Variants in DOK6 observed in about 807,000 individuals in gnomAD.
DOK6 encodes the protein downstream of tyrosine kinase 6.
A neutral mutation model predicts 44.0 loss-of-function variants in DOK6; 22 were observed. The observed-to-expected ratio is 0.50, with a 90% CI of 0.36 to 0.71. The LOEUF (loss-of-function observed/expected upper bound fraction) is 0.71. Ranked by LOEUF, DOK6 falls within the 30% of genes least tolerant of loss-of-function variation. DOK6 has a pLI of 0.00. For missense variants in DOK6, 340 were observed against 416.4 expected (o/e 0.82, Z 1.60); for synonymous variants, 166 against 145.5 (o/e 1.14, Z -1.01).
At chr18:69,698,626 T>C in intron 5 of DOK6, 33 bp downstream of exon 5, 1 of 1,600,382 alleles carries the variant, frequency 6.2e-7, no homozygotes, top group Non-Finnish European at 8.5e-7. Context: ...AGTGCAGGAG[T>C]TGTCTGTATA....
intron 1 of DOK6, among the ~76,000 whole-genome samples, chr18:69,531,658 G>C (rs1981989678): frequency 6.6e-6 from 1 of 152,040 alleles, no homozygotes; most frequent in South Asian, 2.1e-4. Context: ...TTGTTCTCAT[G>C]AGATCACTCC....
chr18:69,401,177 G>A lies in DOK6; in HGVS notation c.-68G>A, dbSNP rs1259572812. On this transcript the variant is annotated 5_prime_UTR_variant, in exon 1 of 8. Coordinates refer to ENST00000382713, the MANE Select transcript of DOK6 (RefSeq NM_152721.6). ...CTGGATGCGAGACCCGCGCAGACCC[G>A]GCGGCGGACGGCGGCTCTCGACTCC... is the stretch of plus-strand genomic sequence containing the variant. 6 of 1,475,330 alleles carry A rather than the reference G, an allele frequency of 4.1e-6. No individual in the cohort carries two copies. The Admixed American group carries it at 1.2e-4, about 29-fold the overall frequency. The allele number at this position is 1,475,330 out of a possible 1,614,324, so 91.4% of individuals were successfully genotyped here.
At chr18:69,547,993 A>G (rs1337642827) in intron 1 of DOK6, among the ~76,000 whole-genome samples, 5 of 148,928 alleles carry the variant, frequency 3.4e-5, no homozygotes, top group African/African-American at 7.4e-5. Context: ...TCTCGCTGTC[A>G]CCCAGGCTGG....
At chr18:69,523,466 C>T (rs1981743294) in intron 1 of DOK6, among the ~76,000 whole-genome samples, 1 of 151,972 alleles carries the variant, frequency 6.6e-6, no homozygotes, top group Admixed American at 6.6e-5. Context: ...ACCTTATCAC[C>T]TGAAGAATCA....
intron 1 of DOK6, among the ~76,000 whole-genome samples, chr18:69,526,136 T>TA (rs763030488): frequency 3.9e-5 from 6 of 152,150 alleles, no homozygotes; most frequent in Non-Finnish European, 5.9e-5. Context: ...CTGTTGTTTT[T>TA]AGTGGATTCA....
chr18:69,423,559 C>T (rs1978555374), intron 1 of DOK6, among the ~76,000 whole-genome samples: 1 of 152,074 alleles, frequency 6.6e-6, no homozygotes, highest in Non-Finnish European at 1.5e-5. Flanking sequence ...TATAATTATC[C>T]TTGATTGCAT....
chr18:69,635,429 A>G (rs528346765), intron 3 of DOK6, among the ~76,000 whole-genome samples: 2 of 152,204 alleles, frequency 1.3e-5, no homozygotes, highest in Non-Finnish European at 2.9e-5. Flanking sequence ...CCTGTCCCTT[A>G]GTGCTCCTTC....
At chr18:69,711,081 AG>A (rs1279336321) in intron 5 of DOK6, among the ~76,000 whole-genome samples, 4 of 152,234 alleles carry the variant, frequency 2.6e-5, no homozygotes, top group Non-Finnish European at 4.4e-5. Context: ...AATAGAGGTG[AG>A]AAAAAGCTTT....
At chr18:69,571,833 A>T (rs756475397) in intron 2 of DOK6, among the ~76,000 whole-genome samples, 5 of 152,046 alleles carry the variant, frequency 3.3e-5, no homozygotes, top group Non-Finnish European at 7.4e-5. Context: ...AGCTAGAAAA[A>T]ATATATATAT....
At chr18:69,432,591 C>CAT (rs1299645375) in intron 1 of DOK6, among the ~76,000 whole-genome samples, 3 of 152,076 alleles carry the variant, frequency 2.0e-5, no homozygotes, top group Admixed American at 2.0e-4. Context: ...AATGAATATG[C>CAT]ATATTTCTGT....
At chr18:69,445,037 C>T (rs2122448020) in intron 1 of DOK6, among the ~76,000 whole-genome samples, 1 of 152,222 alleles carries the variant, frequency 6.6e-6, no homozygotes, top group Non-Finnish European at 1.5e-5. Context: ...TTTCAGTATA[C>T]AAGTCTTGCA....
intron 7 of DOK6, among the ~76,000 whole-genome samples, chr18:69,840,768 T>C (rs745659916): frequency 1.3e-5 from 2 of 152,224 alleles, no homozygotes; most frequent in African/African-American, 2.4e-5. Context: ...TCATGGTTAC[T>C]GGTTAGGGTA....
At chr18:69,595,587 A>T (rs1201334399) in intron 2 of DOK6, among the ~76,000 whole-genome samples, 1 of 152,074 alleles carries the variant, frequency 6.6e-6, no homozygotes, top group Non-Finnish European at 1.5e-5. Context: ...CTTCCACCCA[A>T]GCTTTGCCCT....
intron 7 of DOK6, among the ~76,000 whole-genome samples, chr18:69,794,993 T>C (rs1980703625): frequency 6.6e-6 from 1 of 152,116 alleles, no homozygotes; most frequent in South Asian, 2.1e-4. Flanking sequence ...GGTTGTATAA[T>C]AATTTCATTA....
chr18:69,463,403 C>T (rs1417052535), intron 1 of DOK6, among the ~76,000 whole-genome samples: 2 of 151,782 alleles, frequency 1.3e-5, no homozygotes, highest in Non-Finnish European at 2.9e-5. Context: ...CTTCAGCAGC[C>T]CTTGGCATTT....
At chr18:69,495,813 A>G (rs758325103) in intron 1 of DOK6, among the ~76,000 whole-genome samples, 1 of 152,092 alleles carries the variant, frequency 6.6e-6, no homozygotes, top group South Asian at 2.1e-4. Context: ...CTTCCCTCCT[A>G]TGCTCATCAG....
chr18:69,551,691 A>G (rs1982569490), intron 1 of DOK6, among the ~76,000 whole-genome samples: 1 of 152,214 alleles, frequency 6.6e-6, no homozygotes, highest in South Asian at 2.1e-4. Flanking sequence ...GTGGCTATGT[A>G]AAGAAAATCA....
intron 2 of DOK6, among the ~76,000 whole-genome samples, chr18:69,582,527 T>C (rs1322313308): frequency 6.6e-6 from 1 of 152,134 alleles, no homozygotes; most frequent in African/African-American, 2.4e-5. Flanking sequence ...TTCATCTTCC[T>C]TCCTTCCTTC....
intron 4 of DOK6, among the ~76,000 whole-genome samples, chr18:69,690,049 T>C (rs1171153543): frequency 6.6e-6 from 1 of 152,142 alleles, no homozygotes; most frequent in African/African-American, 2.4e-5. Flanking sequence ...AACAGTTAAA[T>C]TTTTAATTTT....
Sources: gnomAD v4.1 joint callset for allele counts (sites outside exome capture counted in the v4.1 genomes callset) on GRCh38, gnomAD v4.1.1 for gene constraint, MANE v1.5 for transcripts, NCBI Gene and HGNC (gene_info 2026-07-23, HGNC 2026-07-21) for gene names.